SLC16A2: variants seen among roughly 807,000 people sequenced by gnomAD.
The protein encoded by SLC16A2 is solute carrier family 16 member 2.
SLC16A2 carries 3 observed loss-of-function variants against 27.2 expected under a neutral mutation model. The ratio of observed to expected loss-of-function variants is 0.11; its 90% CI spans 0.05 to 0.28. SLC16A2 has a LOEUF of 0.28. SLC16A2 is among the 10% of genes least tolerant of loss of function. The probability of loss-of-function intolerance (pLI) is 1.00; values close to 1 mark genes in which losing one functional copy is unlikely to be tolerated. For synonymous variants in SLC16A2, 202 were observed against 187.8 expected (o/e 1.08, Z -0.62); for missense variants, 295 against 458.5 (o/e 0.64, Z 3.26).
intron 1 of SLC16A2, among the ~76,000 whole-genome samples, chrX:74,454,295 C>T (rs1234353829): frequency 9.0e-6 from 1 of 110,663 alleles, no homozygotes; most frequent in Non-Finnish European, 1.9e-5. Flanking sequence ...TATTGTGGCA[C>T]TATTCACAAT....
chrX:74,509,436 G>T, intron 1 of SLC16A2, among the ~76,000 whole-genome samples: 1 of 111,953 alleles, frequency 8.9e-6, no homozygotes, highest in South Asian at 3.7e-4. Context: ...TGCTTTTTCT[G>T]CATTGGTTGA....
chrX:74,474,711 C>T (rs187785409), intron 1 of SLC16A2, among the ~76,000 whole-genome samples: 131 of 110,122 alleles, frequency 1.2e-3, no homozygotes, highest in African/African-American at 2.2e-3. Context: ...TTCCCACCTA[C>T]GAGTGAGAAC....
chrX:74,456,487 A>G (rs1206529381), intron 1 of SLC16A2, among the ~76,000 whole-genome samples: 1 of 111,223 alleles, frequency 9.0e-6, no homozygotes, highest in Non-Finnish European at 1.9e-5. Flanking sequence ...ATGGGATGGG[A>G]AAACTGGATG....
chrX:74,424,314 T>C (rs769138412), intron 1 of SLC16A2, among the ~76,000 whole-genome samples: 1 of 111,643 alleles, frequency 9.0e-6, no homozygotes, highest in Non-Finnish European at 1.9e-5. Flanking sequence ...CATTATTTTT[T>C]ATACTAGAGG....
chrX:74,494,069 C>T (rs1929888598), intron 1 of SLC16A2, among the ~76,000 whole-genome samples: 1 of 112,072 alleles, frequency 8.9e-6, no homozygotes, highest in African/African-American at 3.2e-5. Flanking sequence ...ACAGATGCTT[C>T]TCAATGAGGG....
intron 1 of SLC16A2, among the ~76,000 whole-genome samples, chrX:74,501,431 T>A (rs2147863210): frequency 9.0e-6 from 1 of 111,615 alleles, no homozygotes; most frequent in African/African-American, 3.3e-5. Context: ...GCAGAGGGCT[T>A]ACAATCCTCA....
In SLC16A2 at chrX:74,492,441, T is replaced by G. The variant is rs375635575; in HGVS notation, c.431-28549T>G. 3.9e-4 allele frequency among the ~76,000 whole-genome samples: 43 copies of G among 111,044 alleles called. 3 individuals carry two copies. The East Asian group carries it at 4.9e-3, about 13-fold the overall frequency. ...AGGGCCACATGTCCAGGACCCTCTA[T>G]CATTCATTTAGAGTTAGAATCCCAG... On this transcript the variant is annotated intron_variant, in intron 1 of 5. Transcript: ENST00000587091.
intron 1 of SLC16A2, among the ~76,000 whole-genome samples, chrX:74,485,855 G>A (rs1474164028): frequency 9.1e-6 from 1 of 110,200 alleles, no homozygotes; most frequent in South Asian, 3.8e-4. Context: ...CGGATCCGGA[G>A]GGGTGGAAGT....
intron 1 of SLC16A2, chrX:74,473,829 G>T (rs1476205358): frequency 3.8e-6 from 2 of 524,132 alleles, no homozygotes; most frequent in Non-Finnish European, 6.8e-6. Context: ...CAGTCTGTGA[G>T]CATTCCCCAT....
intron 1 of SLC16A2, among the ~76,000 whole-genome samples, chrX:74,438,516 A>T (rs1928666929): frequency 8.9e-6 from 1 of 112,786 alleles, no homozygotes; most frequent in African/African-American, 3.2e-5. Context: ...CTCATGACAC[A>T]GACAATTAAA....
intron 1 of SLC16A2, among the ~76,000 whole-genome samples, chrX:74,439,441 G>T (rs1405738721): frequency 1.5e-4 from 15 of 101,511 alleles, no homozygotes; most frequent in Non-Finnish European, 2.2e-4. Flanking sequence ...TCCTTGTGTA[G>T]CTGGGACTAC....
At chrX:74,477,206 G>T (rs912532671) in intron 1 of SLC16A2, 1 of 111,875 alleles carries the variant, frequency 8.9e-6, no homozygotes, top group African/African-American at 3.3e-5. Context: ...GTTTAGTCTT[G>T]GGAGGGTGTA....
At chrX:74,528,682 A>G (rs1400263835) in intron 4 of SLC16A2, among the ~76,000 whole-genome samples, 2 of 111,577 alleles carry the variant, frequency 1.8e-5, no homozygotes, top group Non-Finnish European at 3.8e-5. Flanking sequence ...ATGCCAAGGT[A>G]TTTTATAAAA....
intron 1 of SLC16A2, among the ~76,000 whole-genome samples, chrX:74,452,161 A>C (rs1265558713): frequency 1.8e-5 from 2 of 112,433 alleles, no homozygotes; most frequent in Non-Finnish European, 3.8e-5. Flanking sequence ...TGGGTCAGCC[A>C]GTTTCCACCA....
In SLC16A2 at chrX:74,467,029, T is replaced by G. The variant is rs1307151627; in HGVS notation, c.430+44962T>G. Among the ~76,000 whole-genome samples, 4 of 110,386 alleles carry G rather than the reference T, an allele frequency of 3.6e-5. No individual in the cohort carries two copies. In the Admixed American group the frequency reaches 3.9e-4, roughly 11 times the overall value. On this transcript the variant is annotated intron_variant, in intron 1 of 5. Coordinates refer to ENST00000587091, the MANE Select transcript of SLC16A2 (RefSeq NM_006517.5). ...TTTGTTCAATTCAACAAACCTTTCT[T>G]GAGCACCATGTCACCATATGCCCAG...
intron 1 of SLC16A2, among the ~76,000 whole-genome samples, chrX:74,472,742 C>CA (rs34474433): frequency 1.1e-3 from 105 of 94,841 alleles, no homozygotes; most frequent in Non-Finnish European, 1.7e-3. Context: ...AGCATGGGTG[C>CA]AAAAAAAAAA....
intron 1 of SLC16A2, among the ~76,000 whole-genome samples, chrX:74,470,212 A>T (rs1445113388): frequency 1.8e-5 from 2 of 112,321 alleles, no homozygotes; most frequent in Non-Finnish European, 1.9e-5. Context: ...TTATCCATTC[A>T]CCTACCGAAG....
chrX:74,509,393 T>A (rs1370373269), intron 1 of SLC16A2, among the ~76,000 whole-genome samples: 1 of 112,193 alleles, frequency 8.9e-6, no homozygotes, highest in Non-Finnish European at 1.9e-5. Context: ...AGAGTTTTTT[T>A]AAAATTTTGA....
intron 1 of SLC16A2, among the ~76,000 whole-genome samples, chrX:74,454,820 T>C (rs1343693786): frequency 8.9e-6 from 1 of 112,108 alleles, no homozygotes; most frequent in Non-Finnish European, 1.9e-5. Context: ...ACTTAAGTCA[T>C]TATATCCTCC....
Sources: allele counts gnomAD v4.1 joint callset (sites outside exome capture counted in the v4.1 genomes callset), GRCh38; gene constraint gnomAD v4.1.1; transcripts MANE v1.5; gene names NCBI Gene and HGNC (gene_info 2026-07-23, HGNC 2026-07-21).